The following ABCA12 variants were observed in gnomAD, a reference collection of about 807,000 sequenced individuals.
The protein encoded by ABCA12 is glucosylceramide transporter ABCA12.
A neutral mutation model predicts 293.5 loss-of-function variants in ABCA12; 156 were observed. The observed-to-expected ratio is 0.53, with a 90% confidence interval of 0.47 to 0.61. The LOEUF (loss-of-function observed/expected upper bound fraction) is 0.61, where lower values mean the gene tolerates loss of function less well. ABCA12 is among the 20% of genes least tolerant of loss of function. The pLI, the probability that ABCA12 is intolerant of heterozygous loss-of-function variation, is 0.00. For missense variants in ABCA12, 2,797 were observed against 3,090.2 expected (o/e 0.91, Z 2.25); for synonymous variants, 1,063 against 1,108.0 (o/e 0.96, Z 0.81).
chr2:215,103,202 C>T (rs1443833690), intron 2 of ABCA12, among the ~76,000 whole-genome samples: 1 of 150,756 alleles, frequency 6.6e-6, no homozygotes, highest in Non-Finnish European at 1.5e-5. Flanking sequence ...AACAGGCGCC[C>T]TTTAAATATG....
chr2:215,091,046 T>A (rs764387206), intron 2 of ABCA12, among the ~76,000 whole-genome samples: 2 of 152,042 alleles, frequency 1.3e-5, no homozygotes, highest in Non-Finnish European at 2.9e-5. Flanking sequence ...GGGCAAATGG[T>A]CTGAGGTGCC....
At chr2:215,128,094 G>A (rs1702966256) in intron 1 of ABCA12, among the ~76,000 whole-genome samples, 1 of 152,104 alleles carries the variant, frequency 6.6e-6, no homozygotes, top group South Asian at 2.1e-4. Flanking sequence ...GCTGATAATT[G>A]TTTTATTTGA....
rs562885568 is a variant in ABCA12 at position 215,090,083 on chromosome 2, C to G, written c.163+21514G>C. Among the ~76,000 whole-genome samples, 64 of 152,260 alleles carry G rather than the reference C, an allele frequency of 4.2e-4. 2 individuals carry two copies. The highest frequency in any genetic ancestry group is 6.8e-3 in the Middle Eastern group (2 of 294). ...AATTCCTTCTCCTGGCTCAGAAGCT[C>G]TCCCACTGAGCTTCCTTGTGACCCC... is the stretch of plus-strand genomic sequence containing the variant. On this transcript the variant is annotated intron_variant, in intron 2 of 52. Transcript: ENST00000272895.
At position 214,932,496 on chromosome 2, in the gene ABCA12, G is replaced by A. The variant is rs557747039; in HGVS notation, c.*138C>T. 2.6e-5 allele frequency: 19 copies of A among 740,518 alleles called. No homozygotes were observed. The highest frequency in any genetic ancestry group is 4.4e-5 in the Non-Finnish European group (19 of 433,116). 45.9% of individuals were successfully genotyped at this position (740,518 alleles called of 1,614,324 possible). A position where few individuals can be genotyped will look rare whatever the true frequency, so the allele number is the denominator to read the frequency against. On this transcript the variant is annotated 3_prime_UTR_variant, in exon 53 of 53. Transcript: ENST00000272895. Reference sequence around the variant, plus strand: ...AATTTCCTTTTATAATTACTTGTTAGTCTAACACAGTTGTAACTTTCCATA... The same window carrying A: ...AATTTCCTTTTATAATTACTTGTTAATCTAACACAGTTGTAACTTTCCATA...
intron 1 of ABCA12, among the ~76,000 whole-genome samples, chr2:215,124,773 C>CT (rs2105911718): frequency 6.6e-6 from 1 of 152,270 alleles, no homozygotes; most frequent in East Asian, 1.9e-4. Context: ...ATTCTGCTGA[C>CT]TGTTCCTTTT....
chr2:215,109,118 A>G (rs1026169478), intron 2 of ABCA12, among the ~76,000 whole-genome samples: 3 of 151,652 alleles, frequency 2.0e-5, no homozygotes, highest in African/African-American at 7.3e-5. Flanking sequence ...CCAGTCTTAC[A>G]TTCTCCAAAT....
At chr2:214,947,720 G>T in intron 47 of ABCA12, 164 bp from the exon 48 acceptor site, 3 of 816,234 alleles carry the variant, frequency 3.7e-6, no homozygotes, top group Admixed American at 2.7e-5. Flanking sequence ...TATTTTCAAA[G>T]AATCACTTAA....
At chr2:215,028,042 T>G (rs1440547292) in intron 9 of ABCA12, among the ~76,000 whole-genome samples, 1 of 152,238 alleles carries the variant, frequency 6.6e-6, no homozygotes. Context: ...ATTTTGTAAC[T>G]TCTTTCCTTA....
At chr2:214,989,759 A>C in intron 24 of ABCA12, 138 bp from the exon 25 acceptor site, 1 of 897,782 alleles carries the variant, frequency 1.1e-6, no homozygotes, top group Non-Finnish European at 1.7e-6. Context: ...TTAAAAATAC[A>C]GCAGTCCCTT....
Position 215,019,742 on chromosome 2 carries a change from A to G in ABCA12, c.1342T>C (p.Leu448=), listed in dbSNP as rs908833428. 3.1e-6 allele frequency: 5 copies of G among 1,614,000 alleles called. No individual in the cohort carries two copies. Among genetic ancestry groups the G allele is most frequent in the Non-Finnish European group, 4.2e-6 (5 of 1,180,046 alleles). Residue 448 remains leucine (L), a synonymous_variant, in exon 12 of 53, where the codon TTG becomes CTG. Transcript: ENST00000272895. ...GAGAGCTGGCATGACTTCTCTATCA[A>G]ACTGAAAGTTTCAGATTCACAAAGA... ...ELLCESETFS[L]IEKSCQLSDM... is the part of the protein sequence containing the mutation.
At chr2:215,029,187 C>CT (rs1700816998) in intron 9 of ABCA12, 1 of 3,502 alleles carries the variant, frequency 2.9e-4, no homozygotes. Context: ...CCTGTTCACC[C>CT]CGACCCCATC....
At chr2:214,958,207 A>C in intron 41 of ABCA12, 70 bp downstream of exon 41, 1 of 1,574,504 alleles carries the variant, frequency 6.4e-7, no homozygotes, top group Non-Finnish European at 8.7e-7. Context: ...ATAACTCTTG[A>C]ATAGAAAACT....
intron 45 of ABCA12, among the ~76,000 whole-genome samples, chr2:214,949,915 T>C (rs1040320766): frequency 6.6e-6 from 1 of 152,144 alleles, no homozygotes; most frequent in African/African-American, 2.4e-5. Flanking sequence ...ACTCATAGGG[T>C]AAATAATAAT....
chr2:215,073,445 G>A (rs1038173890), intron 2 of ABCA12, among the ~76,000 whole-genome samples: 2 of 152,000 alleles, frequency 1.3e-5, no homozygotes, highest in East Asian at 1.9e-4. Context: ...TTTAGCCTCT[G>A]GGCAGGTCTG....
chr2:215,125,237 G>C (rs1197955962), intron 1 of ABCA12, among the ~76,000 whole-genome samples: 3 of 152,154 alleles, frequency 2.0e-5, no homozygotes, highest in Non-Finnish European at 4.4e-5. Flanking sequence ...CAGGTAGTGT[G>C]ATGCCTCCAG....
intron 44 of ABCA12, among the ~76,000 whole-genome samples, chr2:214,951,293 C>T (rs1272644254): frequency 2.0e-5 from 3 of 152,142 alleles, no homozygotes; most frequent in African/African-American, 7.2e-5. Flanking sequence ...AGCTTTTGTT[C>T]TCCATGCCTT....
intron 51 of ABCA12, among the ~76,000 whole-genome samples, chr2:214,934,477 T>C (rs748199688): frequency 6.6e-6 from 1 of 152,186 alleles, no homozygotes; most frequent in Non-Finnish European, 1.5e-5. Flanking sequence ...TATACAGTCA[T>C]TATAATCTTG....
At chr2:215,132,139 C>T (rs911437847) in intron 1 of ABCA12, among the ~76,000 whole-genome samples, 1 of 151,946 alleles carries the variant, frequency 6.6e-6, no homozygotes, top group African/African-American at 2.4e-5. Flanking sequence ...TTTATTGAGA[C>T]TTCCCTTTTG....
rs1308436861 is a variant in ABCA12, at chr2:215,070,688, C to T, written c.164-6469G>A. On this transcript the variant is annotated intron_variant, in intron 2 of 52. Coordinates refer to ENST00000272895, the MANE Select transcript of ABCA12 (RefSeq NM_173076.3). The stretch of plus-strand genomic sequence containing the variant: ...CTGAGAATGATGATTAAAAATTGTT[C>T]ATCTTAACAGTTAAAAAATATTACT... Among the ~76,000 whole-genome samples the T allele has an allele frequency of 2.0e-5, 3 of 151,276 alleles. No homozygotes were observed. In the East Asian group the frequency reaches 5.8e-4, roughly 29 times the overall value.
Sources: gnomAD v4.1 joint callset for allele counts (sites outside exome capture counted in the v4.1 genomes callset) on GRCh38, gnomAD v4.1.1 for gene constraint, MANE v1.5 for transcripts, NCBI Gene and HGNC (gene_info 2026-07-23, HGNC 2026-07-21) for gene names.